ZFHX3: variants seen among roughly 807,000 people sequenced by gnomAD.
The protein encoded by ZFHX3 is zinc finger homeobox 3, also known as zinc finger homeobox protein 3.
A neutral mutation model predicts 279.1 loss-of-function variants in ZFHX3; 42 were observed. The ratio of observed to expected loss-of-function variants is 0.15; its 90% CI spans 0.12 to 0.19. The LOEUF is 0.19. ZFHX3 is among the 10% of genes least tolerant of loss of function. ZFHX3 has a pLI of 1.00. For missense variants in ZFHX3, 4,981 were observed against 4,754.0 expected (o/e 1.05, Z -1.40); for synonymous variants, 2,293 against 1,957.8 (o/e 1.17, Z -4.52).
At chr16:73,381,858 C>A (rs1346242954) in intron 3 of ZFHX3, among the ~76,000 whole-genome samples, 3 of 152,182 alleles carry the variant, frequency 2.0e-5, no homozygotes, top group Non-Finnish European at 1.5e-5. Context: ...GCATTCAAAG[C>A]CATCCCGGGC....
At chr16:72,905,544 A>G (rs1435785421) in intron 3 of ZFHX3, among the ~76,000 whole-genome samples, 1 of 152,232 alleles carries the variant, frequency 6.6e-6, no homozygotes, top group Non-Finnish European at 1.5e-5. Context: ...GAGACGATCA[A>G]GACCACAGAA....
chr16:73,446,295 T>C (rs1455083822), intron 3 of ZFHX3, among the ~76,000 whole-genome samples: 4 of 152,152 alleles, frequency 2.6e-5, no homozygotes, highest in Admixed American at 2.6e-4. Flanking sequence ...AAAAGAAGCT[T>C]AATTGACTCA....
intron 2 of ZFHX3, among the ~76,000 whole-genome samples, chr16:73,493,695 A>AAAG (rs1371859548): frequency 2.6e-5 from 4 of 152,044 alleles, no homozygotes; most frequent in Admixed American, 6.6e-5. Context: ...CTTTCCCTGG[A>AAAG]TCTACTCAGG....
intron 2 of ZFHX3, chr16:73,486,832 TA>T (rs1206524103): frequency 3.5e-5 from 16 of 456,066 alleles, no homozygotes; most frequent in Middle Eastern, 3.3e-4. Flanking sequence ...CTCTGCACTT[TA>T]GGGTCTCAGG....
At chr16:73,245,728 G>C (rs1053804609) in intron 5 of ZFHX3, among the ~76,000 whole-genome samples, 5 of 152,200 alleles carry the variant, frequency 3.3e-5, no homozygotes, top group African/African-American at 1.2e-4. Flanking sequence ...AAACTCATCA[G>C]ATTGTAGCCC....
intron 1 of ZFHX3, among the ~76,000 whole-genome samples, chr16:73,804,620 G>A (rs745990588): frequency 2.0e-5 from 3 of 152,002 alleles, no homozygotes; most frequent in Admixed American, 2.0e-4. Context: ...AACCCTCAGA[G>A]GCCCATTAGA....
intron 3 of ZFHX3, among the ~76,000 whole-genome samples, chr16:73,367,449 C>A (rs986971443): frequency 6.6e-6 from 1 of 152,078 alleles, no homozygotes; most frequent in African/African-American, 2.4e-5. Flanking sequence ...AATGATGGTA[C>A]CTTTGACTGG....
At chr16:72,816,627 G>C (rs1270434333) in intron 5 of ZFHX3, among the ~76,000 whole-genome samples, 1 of 152,172 alleles carries the variant, frequency 6.6e-6, no homozygotes, top group Non-Finnish European at 1.5e-5. Flanking sequence ...GCATGTCCCT[G>C]TTATGGAGTT....
In ZFHX3 at chr16:72,966,037, A is replaced by C. The variant is rs188628040; in HGVS notation, c.-49-5843T>G. 1.1e-4 allele frequency among the ~76,000 whole-genome samples: 16 copies of C among 152,356 alleles called. No individual in the cohort carries two copies. In the East Asian group the frequency reaches 2.5e-3, roughly 24 times the overall value. On this transcript the variant is annotated intron_variant, in intron 1 of 9. Transcript: ENST00000268489. The stretch of plus-strand genomic sequence containing the variant: ...AGGATGGCAAAATGGCTTTCAGATA[A>C]TAAACTGTGGCCAATTTTATAGCCG...
intron 3 of ZFHX3, among the ~76,000 whole-genome samples, chr16:73,318,689 T>C (rs1027522246): frequency 6.6e-6 from 1 of 152,192 alleles, no homozygotes. Context: ...AAATAATAAA[T>C]GAAGCGTAAT....
chr16:72,847,511 G>C (rs2037509070), intron 4 of ZFHX3, among the ~76,000 whole-genome samples: 1 of 152,100 alleles, frequency 6.6e-6, no homozygotes, highest in Non-Finnish European at 1.5e-5. Context: ...GAGTGTTCCA[G>C]GTTTTGCTGC....
intron 1 of ZFHX3, among the ~76,000 whole-genome samples, chr16:72,978,995 A>G (rs1962477361): frequency 6.6e-6 from 1 of 152,122 alleles, no homozygotes. Flanking sequence ...GAGGTCTAGG[A>G]AGGTAAAGGA....
At chr16:73,470,415 A>G (rs374995685) in intron 2 of ZFHX3, among the ~76,000 whole-genome samples, 2 of 152,284 alleles carry the variant, frequency 1.3e-5, no homozygotes, top group African/African-American at 4.8e-5. Flanking sequence ...TAAACCGTTG[A>G]TCTAGAGTGT....
chr16:73,535,552 C>T (rs1460664661), intron 2 of ZFHX3, among the ~76,000 whole-genome samples: 1 of 152,054 alleles, frequency 6.6e-6, no homozygotes, highest in African/African-American at 2.4e-5. Context: ...CTCTCCATCT[C>T]CCATGAGGAC....
At chr16:72,936,741 A>C (rs939865702) in intron 3 of ZFHX3, among the ~76,000 whole-genome samples, 1 of 152,138 alleles carries the variant, frequency 6.6e-6, no homozygotes, top group Non-Finnish European at 1.5e-5. Context: ...CCACAGTACA[A>C]AGGTGAGCTT....
chr16:73,121,850 C>T (rs1203756163), intron 7 of ZFHX3, among the ~76,000 whole-genome samples: 2 of 151,994 alleles, frequency 1.3e-5, no homozygotes, highest in African/African-American at 4.8e-5. Context: ...CTCCTGACCT[C>T]GTGATCCACC....
At chr16:73,588,449 G>A (rs575498369) in intron 2 of ZFHX3, among the ~76,000 whole-genome samples, 2 of 152,098 alleles carry the variant, frequency 1.3e-5, no homozygotes, top group Non-Finnish European at 2.9e-5. Context: ...CACTTTGGGA[G>A]GCCGAGACAG....
At chr16:73,313,096 C>T (rs1368161696) in intron 4 of ZFHX3, among the ~76,000 whole-genome samples, 4 of 152,084 alleles carry the variant, frequency 2.6e-5, no homozygotes, top group South Asian at 4.1e-4. Flanking sequence ...CTCATGATAG[C>T]GAGTTGTCCC....
At chr16:73,868,109 C>T (rs1275613342) in intron 1 of ZFHX3, among the ~76,000 whole-genome samples, 1 of 152,182 alleles carries the variant, frequency 6.6e-6, no homozygotes, top group Non-Finnish European at 1.5e-5. Flanking sequence ...CAATAAATCC[C>T]CGTTCGTTAA....
Sources: allele counts gnomAD v4.1 joint callset (sites outside exome capture counted in the v4.1 genomes callset), GRCh38; gene constraint gnomAD v4.1.1; transcripts MANE v1.5; gene names NCBI Gene and HGNC (gene_info 2026-07-23, HGNC 2026-07-21).